The following SNX25 variants were observed in gnomAD, a reference collection of about 807,000 sequenced individuals.
SNX25 encodes sorting nexin-25.
SNX25 carries 62 observed loss-of-function variants against 113.7 expected under a neutral mutation model. The observed-to-expected ratio is 0.55, with a 90% CI of 0.44 to 0.67. The LOEUF (loss-of-function observed/expected upper bound fraction) is 0.67, where lower values mean the gene tolerates loss of function less well. Among genes scored for constraint, SNX25 ranks in the 30% least tolerant of loss-of-function variants. SNX25 has a pLI of 0.00. For missense variants in SNX25, 1,014 were observed against 1,161.0 expected (o/e 0.87, Z 1.84); for synonymous variants, 421 against 436.2 (o/e 0.97, Z 0.43).
At chr4:185,322,313 C>T (rs990102716) in intron 8 of SNX25, among the ~76,000 whole-genome samples, 2 of 152,076 alleles carry the variant, frequency 1.3e-5, no homozygotes, top group African/African-American at 2.4e-5. Context: ...GGCCTGTAAT[C>T]CCAGCTACTT....
intron 3 of SNX25, among the ~76,000 whole-genome samples, chr4:185,263,522 T>C (rs1210293055): frequency 6.6e-6 from 1 of 152,196 alleles, no homozygotes; most frequent in Non-Finnish European, 1.5e-5. Flanking sequence ...AGAGGAAACC[T>C]TTCTTTTCTA....
intron 2 of SNX25, among the ~76,000 whole-genome samples, chr4:185,258,098 A>C (rs1353505085): frequency 1.3e-5 from 2 of 152,180 alleles, no homozygotes; most frequent in African/African-American, 4.8e-5. Flanking sequence ...GGACAGAAAA[A>C]ATTTGGCAGA....
intron 5 of SNX25, among the ~76,000 whole-genome samples, chr4:185,269,426 G>A (rs763362440): frequency 3.9e-5 from 6 of 152,158 alleles, no homozygotes; most frequent in Non-Finnish European, 7.3e-5. Flanking sequence ...TTCTTCCTAA[G>A]TCATTGTTTA....
At chr4:185,342,501 C>G (rs569918585) in intron 12 of SNX25, among the ~76,000 whole-genome samples, 6 of 151,790 alleles carry the variant, frequency 4.0e-5, no homozygotes, top group Admixed American at 3.3e-4. Context: ...CAGTAAGGTG[C>G]GGTGCTTGGA....
At chr4:185,238,062 CAAAA>C (rs10635995) in intron 1 of SNX25, among the ~76,000 whole-genome samples, 8 of 87,914 alleles carry the variant, frequency 9.1e-5, no homozygotes, top group African/African-American at 2.6e-4. Flanking sequence ...GACTCCATCT[CAAAA>C]AAAAAAAAAA....
Position 185,210,347 on chromosome 4 carries a change from T to C in SNX25, c.429+92T>C, listed in dbSNP as rs1174203324. ...CCCCGAGCTCCGGGGGGCCGCGGCA[T>C]GCCCTTGTCGAAGCGGGAAGCCGGG... is the stretch of plus-strand genomic sequence containing the variant. On this transcript the variant is annotated intron_variant, in intron 1 of 18. Coordinates refer to ENST00000652585, the MANE Select transcript of SNX25 (RefSeq NM_001378034.2). This position sits in a 1 kb window ranked among gnomAD's most constrained non-coding sequence, Gnocchi z 4.4. 1 of 984,388 alleles carries C rather than the reference T, an allele frequency of 1.0e-6. No homozygotes were observed. The highest frequency in any genetic ancestry group is 1.2e-6 in the Non-Finnish European group (1 of 829,628). 61.0% of individuals were successfully genotyped at this position (984,388 alleles called of 1,614,324 possible).
chr4:185,357,213 C>T (rs1006798432), intron 15 of SNX25, among the ~76,000 whole-genome samples: 1 of 152,142 alleles, frequency 6.6e-6, no homozygotes, highest in African/African-American at 2.4e-5. Flanking sequence ...ATCTGCAAAC[C>T]GCTTCAAACA....
At chr4:185,342,991 A>G (rs541313887) in intron 12 of SNX25, among the ~76,000 whole-genome samples, 1 of 152,204 alleles carries the variant, frequency 6.6e-6, no homozygotes, top group African/African-American at 2.4e-5. Context: ...CCCAGGTTCA[A>G]GCGATTCTCC....
chr4:185,227,725 T>C (rs1741231563), intron 1 of SNX25, among the ~76,000 whole-genome samples: 2 of 152,110 alleles, frequency 1.3e-5, no homozygotes, highest in Non-Finnish European at 2.9e-5. Flanking sequence ...ATGTTGGCCA[T>C]GTAGATTTTG....
intron 6 of SNX25, among the ~76,000 whole-genome samples, chr4:185,309,880 G>T (rs1755005424): frequency 6.6e-6 from 1 of 152,214 alleles, no homozygotes; most frequent in African/African-American, 2.4e-5. Context: ...TTGGGCTAGA[G>T]CCTTTCTCTG....
rs1162845768 is a variant in SNX25, at chr4:185,210,413, C to A, written c.429+158C>A. The stretch of plus-strand genomic sequence containing the variant: ...CTGCGGGCCCGGCCGTGGACGCGAG[C>A]GTTCCCCGGCGCCCGCGCGCGGCGG... On this transcript the variant is annotated intron_variant, in intron 1 of 18. Transcript: ENST00000652585. This position sits in a 1 kb window ranked among gnomAD's most constrained non-coding sequence, Gnocchi z 4.4. Among the ~76,000 whole-genome samples, 1 of 137,516 alleles carries A rather than the reference C, an allele frequency of 7.3e-6. No individual in the cohort carries two copies. The highest frequency in any genetic ancestry group is 2.4e-4 in the South Asian group (1 of 4,216). The allele number at this position is 137,516 out of a possible 152,430, so 90.2% of individuals were successfully genotyped here.
chr4:185,316,069 A>G (rs865883120), intron 7 of SNX25, among the ~76,000 whole-genome samples: 22 of 152,358 alleles, frequency 1.4e-4, no homozygotes, highest in African/African-American at 5.3e-4. Context: ...TCCATCACCC[A>G]CAAAAGTTTT....
chr4:185,204,556 GGAT>G (rs1369163100), intron 1 of SNX25: 1 of 152,198 alleles, frequency 6.6e-6, no homozygotes, highest in Admixed American at 6.5e-5. Context: ...AGGTATGGTA[GGAT>G]GATGGCACCC....
chr4:185,209,952 G>A lies in SNX25; in HGVS notation c.126G>A (p.Glu42=). 1.0e-6 allele frequency: 1 copy of A among 983,656 alleles called. No homozygotes were observed. Among genetic ancestry groups the A allele is most frequent in the Non-Finnish European group, 1.2e-6 (1 of 829,184 alleles). 60.9% of individuals were successfully genotyped at this position (983,656 alleles called of 1,614,324 possible). Reference sequence around the variant, plus strand: ...GGCCGGAGTCCCCGGGGGACGCGGAGGCAGCAGCAGCGGCGGCGCCGGGGG... The same window carrying A: ...GGCCGGAGTCCCCGGGGGACGCGGAAGCAGCAGCAGCGGCGGCGCCGGGGG... The part of the protein sequence containing the change: ...ERRPESPGDA[E]AAAAAAPGAP... Residue 42 remains glutamate (E), a synonymous_variant, in exon 1 of 19, where the codon GAG becomes GAA. Coordinates refer to ENST00000652585, the MANE Select transcript of SNX25 (RefSeq NM_001378034.2). This position sits in a 1 kb window ranked among gnomAD's most constrained non-coding sequence, Gnocchi z 5.2.
upstream of SNX25, among the ~76,000 whole-genome samples, chr4:185,205,081 C>T (rs1194153955): frequency 6.6e-6 from 1 of 152,192 alleles, no homozygotes; most frequent in Admixed American, 6.5e-5. Flanking sequence ...TAAGGATTGT[C>T]TATTTTCGTC....
the SNX25 span, chr4:185,376,865 A>G: frequency 7.0e-7 from 1 of 1,425,320 alleles, no homozygotes; most frequent in Non-Finnish European, 9.9e-7. Flanking sequence ...AGGATCTAAC[A>G]ACAGAATTAC....
At chr4:185,240,773 C>T (rs1378363978) in intron 1 of SNX25, among the ~76,000 whole-genome samples, 16 of 151,056 alleles carry the variant, frequency 1.1e-4, no homozygotes, top group South Asian at 1.0e-3. Flanking sequence ...GAGTGGCTGC[C>T]GAGCGGAGGG....
intron 9 of SNX25, among the ~76,000 whole-genome samples, chr4:185,325,458 G>A (rs543775418): frequency 3.3e-5 from 5 of 150,464 alleles, no homozygotes; most frequent in South Asian, 4.2e-4. Context: ...ACTTGAACCC[G>A]CGAGGCAGAG....
chr4:185,222,559 A>G (rs1018778733), intron 1 of SNX25, among the ~76,000 whole-genome samples: 1 of 152,092 alleles, frequency 6.6e-6, no homozygotes, highest in Admixed American at 6.5e-5. Flanking sequence ...CGTGGTAGCT[A>G]TACAGCGGCA....
Sources: gnomAD v4.1 joint callset for allele counts (sites outside exome capture counted in the v4.1 genomes callset) on GRCh38, gnomAD v4.1.1 for gene constraint, Gnocchi (gnomAD v3.1) non-coding constraint, MANE v1.5 for transcripts, NCBI Gene and HGNC (gene_info 2026-07-23, HGNC 2026-07-21) for gene names.